CNTN1: variants seen among roughly 807,000 people sequenced by gnomAD.
CNTN1 encodes the protein contactin-1.
In CNTN1, 38 loss-of-function variants were observed where a neutral mutation model predicts 126.4. The ratio of observed to expected loss-of-function variants is 0.30; its 90% CI spans 0.23 to 0.39. The LOEUF (loss-of-function observed/expected upper bound fraction) is 0.39. Among genes scored for constraint, CNTN1 ranks in the 10% least tolerant of loss-of-function variants. The pLI is 1.00. For synonymous variants in CNTN1, 413 were observed against 422.6 expected (o/e 0.98, Z 0.28); for missense variants, 1,009 against 1,248.4 (o/e 0.81, Z 2.89).
chr12:40,698,833 T>C (rs563813462), intron 1 of CNTN1, among the ~76,000 whole-genome samples: 16 of 152,208 alleles, frequency 1.1e-4, no homozygotes, highest in Non-Finnish European at 2.1e-4. Context: ...CATTTTCTGA[T>C]TAATCAAATT....
intron 1 of CNTN1, among the ~76,000 whole-genome samples, chr12:40,862,158 T>C (rs558948055): frequency 1.3e-5 from 2 of 151,950 alleles, no homozygotes; most frequent in South Asian, 4.1e-4. Flanking sequence ...GACCTATGAT[T>C]GTACCACTGC....
intron 14 of CNTN1, among the ~76,000 whole-genome samples, chr12:40,951,670 CT>C (rs1946686449): frequency 5.4e-5 from 7 of 129,264 alleles, no homozygotes; most frequent in South Asian, 5.0e-4. Flanking sequence ...GACTGTGCCA[CT>C]GCACTCCAGC....
intron 1 of CNTN1, among the ~76,000 whole-genome samples, chr12:40,815,570 A>T (rs1358798939): frequency 6.6e-6 from 1 of 152,142 alleles, no homozygotes; most frequent in East Asian, 1.9e-4. Flanking sequence ...GGGGTTTTCA[A>T]ACTATAAAAT....
rs56852774 is a variant in CNTN1, at chr12:40,947,782, T to TACACAC, written c.1683+3654_1683+3659dup. On this transcript the variant is annotated intron_variant, in intron 14 of 23. Coordinates refer to ENST00000551295, the MANE Select transcript of CNTN1 (RefSeq NM_001843.4). ...ACTATTTCATATATATATATATATA[T>TACACAC]ACACACACACACACACACACACACA... Among the ~76,000 whole-genome samples the TACACAC allele has an allele frequency of 2.5e-3, 295 of 118,896 alleles. 2 individuals carry two copies. The highest frequency in any genetic ancestry group is 4.2e-3 in the East Asian group (18 of 4,314). The allele number at this position is 118,896 out of a possible 152,430, so 78.0% of individuals were successfully genotyped here. A position where few individuals can be genotyped will look rare whatever the true frequency, so the allele number is the denominator to read the frequency against.
intron 15 of CNTN1, chr12:40,972,800 G>A (rs915069984): frequency 4.4e-5 from 10 of 229,718 alleles, no homozygotes; most frequent in African/African-American, 9.3e-5. Context: ...TGTATGAATC[G>A]TATTAAGGGC....
At chr12:40,857,659 A>C (rs1191643075) in intron 1 of CNTN1, among the ~76,000 whole-genome samples, 1 of 152,160 alleles carries the variant, frequency 6.6e-6, no homozygotes, top group African/African-American at 2.4e-5. Context: ...ATAGTATTAA[A>C]TTGATGAATT....
chr12:40,934,089 G>A (rs147325714), intron 9 of CNTN1, among the ~76,000 whole-genome samples: 1 of 151,954 alleles, frequency 6.6e-6, no homozygotes, highest in Non-Finnish European at 1.5e-5. Context: ...TTGAACCATA[G>A]GTAATAGCAA....
intron 1 of CNTN1, among the ~76,000 whole-genome samples, chr12:40,859,484 C>T (rs1943044698): frequency 6.6e-6 from 1 of 152,010 alleles, no homozygotes; most frequent in Non-Finnish European, 1.5e-5. Context: ...CCTAAAACTG[C>T]TCCCAAAAAG....
chr12:41,048,437 C>G (rs1038489105), intron 23 of CNTN1, among the ~76,000 whole-genome samples: 9 of 152,262 alleles, frequency 5.9e-5, no homozygotes, highest in Admixed American at 5.9e-4. Flanking sequence ...GACACCTACA[C>G]ATACGCCCAT....
intron 19 of CNTN1, 35 bp from the exon 20 acceptor site, chr12:41,020,302 C>A (rs768683820): frequency 1.5e-6 from 2 of 1,309,148 alleles, no homozygotes; most frequent in South Asian, 2.5e-5. Flanking sequence ...ATGTAAATAT[C>A]TCACTAATAA....
intron 1 of CNTN1, among the ~76,000 whole-genome samples, chr12:40,887,242 A>C (rs941138414): frequency 1.3e-5 from 2 of 151,840 alleles, no homozygotes; most frequent in South Asian, 2.1e-4. Context: ...CTTTTATTTC[A>C]TTGAGCAGTG....
intron 1 of CNTN1, among the ~76,000 whole-genome samples, chr12:40,856,296 A>T (rs1326413123): frequency 1.3e-5 from 2 of 152,130 alleles, no homozygotes; most frequent in East Asian, 3.9e-4. Flanking sequence ...AAGTGGAAAG[A>T]CATTAGAAAG....
At chr12:40,931,572 C>CA (rs1945885728) in intron 7 of CNTN1, among the ~76,000 whole-genome samples, 1 of 151,978 alleles carries the variant, frequency 6.6e-6, no homozygotes. Flanking sequence ...CAAAGTGTCA[C>CA]AAATACATGT....
chr12:40,835,357 A>G (rs774537007), intron 1 of CNTN1, among the ~76,000 whole-genome samples: 1 of 152,192 alleles, frequency 6.6e-6, no homozygotes, highest in Non-Finnish European at 1.5e-5. Context: ...ATTTGTAGGA[A>G]GGACTTGGCT....
intron 7 of CNTN1, among the ~76,000 whole-genome samples, chr12:40,932,368 C>T (rs1335317529): frequency 3.4e-5 from 5 of 148,734 alleles, no homozygotes. Flanking sequence ...TCCCTTTGCT[C>T]TTCCTTAATC....
rs147059915 is a variant in CNTN1, at chr12:40,981,315, A to G, written c.1963+248A>G. Among the ~76,000 whole-genome samples the G allele has an allele frequency of 6.9e-4, 105 of 152,280 alleles. 2 individuals are homozygous for G. Among genetic ancestry groups the G allele is most frequent in the African/African-American group, 2.3e-3 (96 of 41,574 alleles). ...TCAATATATAATGGAAAGCAAAATGAGGCCTCCTGGGTTTCTTACTTGAGT... is the reference window on the plus strand; with the variant it reads ...TCAATATATAATGGAAAGCAAAATGGGGCCTCCTGGGTTTCTTACTTGAGT... On this transcript the variant is annotated intron_variant, in intron 16 of 23. Transcript: ENST00000551295.
chr12:40,886,834 C>T (rs913273606), intron 1 of CNTN1, among the ~76,000 whole-genome samples: 1 of 152,114 alleles, frequency 6.6e-6, no homozygotes, highest in African/African-American at 2.4e-5. Context: ...AATCCTTTCC[C>T]CATTGCTTGT....
At chr12:40,971,838 G>A (rs1442190) in intron 15 of CNTN1, 35,837 of 1,129,512 alleles carry the variant, frequency 0.032, 1,281 homozygotes, top group African/African-American at 0.17. Flanking sequence ...TCTGAAAAAC[G>A]TATGAAGAAC....
intron 4 of CNTN1, among the ~76,000 whole-genome samples, chr12:40,921,444 T>C (rs1485336784): frequency 1.3e-5 from 2 of 152,230 alleles, no homozygotes. Flanking sequence ...ATTTTCTACA[T>C]GCATTCTTTT....
Sources: allele counts gnomAD v4.1 joint callset (sites outside exome capture counted in the v4.1 genomes callset), GRCh38; gene constraint gnomAD v4.1.1; transcripts MANE v1.5; gene names NCBI Gene and HGNC (gene_info 2026-07-23, HGNC 2026-07-21).